MOXD1: variants seen among roughly 807,000 people sequenced by gnomAD.
The protein encoded by MOXD1 is monooxygenase DBH like 1.
Under a neutral mutation model 66.6 loss-of-function variants are expected in MOXD1, and 62 were observed. The observed-to-expected ratio is 0.93, with a 90% CI of 0.76 to 1.15. The LOEUF is 1.15. Ranked by LOEUF, MOXD1 falls within the 50% of genes most tolerant of loss-of-function variation. The pLI, the probability that MOXD1 is intolerant of heterozygous loss-of-function variation, is 0.00. For missense variants in MOXD1, 847 were observed against 754.6 expected, an observed-to-expected ratio of 1.12 and a Z score of -1.44; for synonymous variants, 303 against 281.9, an observed-to-expected ratio of 1.07 and a Z score of -0.75.
intron 2 of MOXD1, among the ~76,000 whole-genome samples, chr6:132,373,605 G>C (rs1776313952): frequency 6.6e-6 from 1 of 152,092 alleles, no homozygotes; most frequent in Non-Finnish European, 1.5e-5. Context: ...CTAGGGACTG[G>C]TTTACCACAA....
At chr6:132,349,375 A>ATG (rs1408214665) in intron 4 of MOXD1, among the ~76,000 whole-genome samples, 2 of 135,920 alleles carry the variant, frequency 1.5e-5, no homozygotes, top group African/African-American at 5.6e-5. Flanking sequence ...ATATATATAT[A>ATG]TACATGTATA....
chr6:132,330,076 C>T (rs1775284060), intron 4 of MOXD1, among the ~76,000 whole-genome samples: 1 of 152,096 alleles, frequency 6.6e-6, no homozygotes, highest in South Asian at 2.1e-4. Flanking sequence ...TGAAGCACAC[C>T]CTAGCATCCC....
At chr6:132,391,914 A>G in intron 1 of MOXD1, 2 of 281,528 alleles carry the variant, frequency 7.1e-6, no homozygotes, top group Non-Finnish European at 1.3e-5. Flanking sequence ...CCTGTGTTCC[A>G]GCATTACTGT....
At chr6:132,330,501 C>A (rs755402339) in intron 4 of MOXD1, among the ~76,000 whole-genome samples, 44 of 152,170 alleles carry the variant, frequency 2.9e-4, no homozygotes, top group Non-Finnish European at 5.3e-4. Flanking sequence ...TCCATGAAAC[C>A]AGTTCCCTGT....
At chr6:132,392,142 T>G in intron 1 of MOXD1, 2 of 1,508,494 alleles carry the variant, frequency 1.3e-6, no homozygotes, top group East Asian at 5.0e-5. Flanking sequence ...GGGGTGTGCT[T>G]AAAAGAAGCA....
At chr6:132,351,918 T>C (rs113880679) in intron 4 of MOXD1, among the ~76,000 whole-genome samples, 5 of 152,300 alleles carry the variant, frequency 3.3e-5, no homozygotes, top group African/African-American at 9.6e-5. Flanking sequence ...TTTATGTGTA[T>C]AAAGGTGTTC....
intron 1 of MOXD1, among the ~76,000 whole-genome samples, chr6:132,395,354 T>C (rs1324248892): frequency 6.6e-6 from 1 of 151,650 alleles, no homozygotes; most frequent in East Asian, 1.9e-4. Context: ...TTAAAACACA[T>C]GAAATATAAA....
intron 8 of MOXD1, among the ~76,000 whole-genome samples, chr6:132,322,158 T>C (rs1043483993): frequency 2.0e-5 from 3 of 152,226 alleles, no homozygotes; most frequent in Non-Finnish European, 2.9e-5. Flanking sequence ...CTTCATTCTC[T>C]TCTCTCCTTC....
intron 4 of MOXD1, among the ~76,000 whole-genome samples, chr6:132,347,130 G>A (rs1775684537): frequency 6.6e-6 from 1 of 152,104 alleles, no homozygotes; most frequent in Non-Finnish European, 1.5e-5. Flanking sequence ...TGGTATTACT[G>A]TCTTCATTTT....
At chr6:132,302,966 G>A (rs1214673434) in intron 10 of MOXD1, among the ~76,000 whole-genome samples, 1 of 152,118 alleles carries the variant, frequency 6.6e-6, no homozygotes, top group South Asian at 2.1e-4. Flanking sequence ...TTCATCAAAT[G>A]GTTCTTGCAC....
intron 4 of MOXD1, among the ~76,000 whole-genome samples, chr6:132,369,554 T>C (rs1284181592): frequency 6.6e-6 from 1 of 151,894 alleles, no homozygotes; most frequent in Non-Finnish European, 1.5e-5. Context: ...CATATCTGAA[T>C]TGCTAGCTAG....
chr6:132,327,956 C>T, intron 6 of MOXD1, 57 bp downstream of exon 6: 1 of 1,397,082 alleles, frequency 7.2e-7, no homozygotes. Flanking sequence ...TAAAGACTTA[C>T]AAGGTACAAA....
At chr6:132,364,844 C>G (rs868694702) in intron 4 of MOXD1, among the ~76,000 whole-genome samples, 1 of 152,220 alleles carries the variant, frequency 6.6e-6, no homozygotes, top group African/African-American at 2.4e-5. Flanking sequence ...CAGACGGAAC[C>G]TAAGGCTCAA....
chr6:132,350,074 T>C (rs1440043884), intron 4 of MOXD1, among the ~76,000 whole-genome samples: 1 of 152,248 alleles, frequency 6.6e-6, no homozygotes, highest in Non-Finnish European at 1.5e-5. Flanking sequence ...CTCTGTGGGT[T>C]GTCTGTTTAC....
chr6:132,392,122 G>A (rs1776778242), intron 1 of MOXD1: 10 of 1,442,096 alleles, frequency 6.9e-6, no homozygotes, highest in South Asian at 1.4e-5. Flanking sequence ...TTTCTTTGTC[G>A]CCGTTGGCTG....
In MOXD1 at chr6:132,339,460, A is replaced by C. The variant is rs1161199492; in HGVS notation, c.664-10866T>G. Among the ~76,000 whole-genome samples, 4 of 152,366 alleles carry C rather than the reference A, an allele frequency of 2.6e-5. No homozygotes were observed. In the South Asian group the frequency reaches 6.2e-4, roughly 24 times the overall value. On this transcript the variant is annotated intron_variant, in intron 4 of 11. Transcript: ENST00000367963. ...GGGAGGAAATAATGATGCATCACAC[A>C]TGAATCTGACAGTCTTATGGATCAA... is the stretch of plus-strand genomic sequence containing the variant.
chr6:132,336,500 C>T (rs532736987), intron 4 of MOXD1, among the ~76,000 whole-genome samples: 1 of 152,290 alleles, frequency 6.6e-6, no homozygotes, highest in South Asian at 2.1e-4. Flanking sequence ...ATCCTCATCC[C>T]TAACAGGAAC....
chr6:132,296,882 A>T lies in MOXD1; in HGVS notation c.*271T>A, dbSNP rs1774412144. ...GGAAAGAAAGAATTCTTTTATTCCC[A>T]CATGACAGCCCAATTTTTTAAAATG... On this transcript the variant is annotated 3_prime_UTR_variant, in exon 12 of 12. Transcript: ENST00000367963. 1 of 270,190 alleles carries T rather than the reference A, an allele frequency of 3.7e-6. No individual in the cohort carries two copies. Among genetic ancestry groups the T allele is most frequent in the South Asian group, 1.5e-4 (1 of 6,788 alleles). The allele number at this position is 270,190 out of a possible 1,614,324, so 16.7% of individuals were successfully genotyped here.
intron 10 of MOXD1, among the ~76,000 whole-genome samples, chr6:132,299,049 A>G (rs977183958): frequency 4.6e-5 from 7 of 152,188 alleles, no homozygotes; most frequent in Admixed American, 6.6e-5. Flanking sequence ...TGGACTAGAT[A>G]AAGAAAATGT....
Sources: gnomAD v4.1 joint callset for allele counts (sites outside exome capture counted in the v4.1 genomes callset) on GRCh38, gnomAD v4.1.1 for gene constraint, MANE v1.5 for transcripts, NCBI Gene and HGNC (gene_info 2026-07-23, HGNC 2026-07-21) for gene names.